Variants in CTNNA3 observed in about 807,000 individuals in gnomAD.
The protein encoded by CTNNA3 is catenin alpha-3.
A neutral mutation model predicts 95.7 loss-of-function variants in CTNNA3; 76 were observed. The observed-to-expected ratio is 0.79, with a 90% CI of 0.66 to 0.96. The LOEUF is 0.96. Among genes scored for constraint, CTNNA3 ranks in the 40% least tolerant of loss-of-function variants. CTNNA3 has a pLI of 0.00. For synonymous variants in CTNNA3, 431 were observed against 374.4 expected, an observed-to-expected ratio of 1.15 and a Z score of -1.74; for missense variants, 1,191 against 1,089.8, an observed-to-expected ratio of 1.09 and a Z score of -1.31.
chr10:66,994,458 C>T (rs2132948775), intron 7 of CTNNA3, among the ~76,000 whole-genome samples: 1 of 152,132 alleles, frequency 6.6e-6, no homozygotes, highest in Admixed American at 6.5e-5. Context: ...TATTTCATCC[C>T]TCAATTACCA....
At chr10:66,250,271 G>T (rs150129848) in intron 13 of CTNNA3, among the ~76,000 whole-genome samples, 1 of 152,180 alleles carries the variant, frequency 6.6e-6, no homozygotes, top group South Asian at 2.1e-4. Context: ...CAGAAGCTGG[G>T]AAGGGTAGTT....
intron 7 of CTNNA3, among the ~76,000 whole-genome samples, chr10:66,804,957 T>A (rs1435059751): frequency 1.3e-5 from 2 of 152,120 alleles, no homozygotes; most frequent in Non-Finnish European, 2.9e-5. Context: ...TAAATGTTTG[T>A]GCAAATAATA....
chr10:66,847,202 G>A (rs1049332787), intron 7 of CTNNA3, among the ~76,000 whole-genome samples: 4 of 152,066 alleles, frequency 2.6e-5, no homozygotes, highest in Non-Finnish European at 4.4e-5. Context: ...ATGAGTTTTT[G>A]TGTTTTCTTT....
intron 13 of CTNNA3, among the ~76,000 whole-genome samples, chr10:66,114,709 T>A (rs1043453653): frequency 2.0e-5 from 3 of 151,350 alleles, no homozygotes; most frequent in Admixed American, 6.6e-5. Flanking sequence ...TGAAACCCCG[T>A]CTCTACTAAA....
At chr10:66,824,648 T>C (rs1842430088) in intron 7 of CTNNA3, among the ~76,000 whole-genome samples, 1 of 152,190 alleles carries the variant, frequency 6.6e-6, no homozygotes, top group Non-Finnish European at 1.5e-5. Flanking sequence ...GGAACTTCCA[T>C]TTGTTTCTTC....
At chr10:66,130,864 C>CAAAA (rs1209953818) in intron 13 of CTNNA3, among the ~76,000 whole-genome samples, 4 of 83,266 alleles carry the variant, frequency 4.8e-5, no homozygotes, top group East Asian at 3.7e-4. Context: ...CAAAAACAAA[C>CAAAA]AAAAAAAAAA....
chr10:66,049,534 A>G (rs1040535320), intron 15 of CTNNA3, among the ~76,000 whole-genome samples: 26 of 152,234 alleles, frequency 1.7e-4, no homozygotes, highest in African/African-American at 6.3e-4. Flanking sequence ...CATGGCATGG[A>G]ATCAACCTAA....
intron 1 of CTNNA3, among the ~76,000 whole-genome samples, chr10:67,687,908 G>A (rs1013051574): frequency 3.9e-5 from 6 of 152,120 alleles, no homozygotes; most frequent in African/African-American, 4.8e-5. Flanking sequence ...GATCTGAGTC[G>A]AGGTCCCAGT....
At chr10:67,172,067 TGCTCTGTGCCTTTGC>T (rs1862047149) in intron 7 of CTNNA3, among the ~76,000 whole-genome samples, 1 of 152,226 alleles carries the variant, frequency 6.6e-6, no homozygotes, top group Non-Finnish European at 1.5e-5. Context: ...ATGTGATTCC[TGCTCTGTGCCTTTGC>T]ACAGGCTCTT....
intron 7 of CTNNA3, among the ~76,000 whole-genome samples, chr10:66,920,295 A>G (rs896338843): frequency 6.6e-6 from 1 of 152,238 alleles, no homozygotes; most frequent in African/African-American, 2.4e-5. Context: ...TATAAGTCCC[A>G]TTTTGCAGAT....
At chr10:66,072,777 G>T (rs963886875) in intron 14 of CTNNA3, among the ~76,000 whole-genome samples, 1 of 151,978 alleles carries the variant, frequency 6.6e-6, no homozygotes, top group Non-Finnish European at 1.5e-5. Flanking sequence ...ATCTCCCAAA[G>T]AATCTGTGCT....
At chr10:66,192,702 CTCTT>C (rs1235684333) in intron 13 of CTNNA3, among the ~76,000 whole-genome samples, 1 of 152,184 alleles carries the variant, frequency 6.6e-6, no homozygotes, top group Non-Finnish European at 1.5e-5. Context: ...AAGGATAACA[CTCTT>C]TCTTCTACTT....
intron 5 of CTNNA3, among the ~76,000 whole-genome samples, chr10:67,519,183 G>GT: frequency 6.6e-6 from 1 of 152,228 alleles, no homozygotes; most frequent in South Asian, 2.1e-4. Context: ...AAAAACAGAA[G>GT]TGAGAGAATG....
intron 7 of CTNNA3, among the ~76,000 whole-genome samples, chr10:66,903,050 C>G (rs989792481): frequency 1.3e-5 from 2 of 152,110 alleles, no homozygotes; most frequent in Non-Finnish European, 2.9e-5. Flanking sequence ...ATACTGATAC[C>G]AAAGCCTGGC....
At chr10:67,620,923 G>GTA (rs56300519) in intron 2 of CTNNA3, among the ~76,000 whole-genome samples, 2,471 of 123,706 alleles carry the variant, frequency 0.02, 29 homozygotes, top group Non-Finnish European at 0.022. Context: ...GTGTGTGTGT[G>GTA]TATATATATA....
chr10:66,787,883 C>G (rs1205421299), intron 7 of CTNNA3, among the ~76,000 whole-genome samples: 1 of 152,148 alleles, frequency 6.6e-6, no homozygotes, highest in African/African-American at 2.4e-5. Context: ...TGTTATTGAA[C>G]AGAGCCTGGA....
intron 1 of CTNNA3, among the ~76,000 whole-genome samples, chr10:67,703,805 G>A (rs151196836): frequency 6.6e-6 from 1 of 152,136 alleles, no homozygotes; most frequent in Admixed American, 6.5e-5. Flanking sequence ...GAAATAAAGG[G>A]TGTTCAATTA....
chr10:67,096,504 A>G (rs1858003272), intron 7 of CTNNA3, among the ~76,000 whole-genome samples: 1 of 151,958 alleles, frequency 6.6e-6, no homozygotes, highest in Non-Finnish European at 1.5e-5. Flanking sequence ...CAAGAATGGC[A>G]GAAGCTTTTA....
intron 5 of CTNNA3, among the ~76,000 whole-genome samples, chr10:67,442,919 A>G (rs1327965031): frequency 6.8e-6 from 1 of 146,512 alleles, no homozygotes; most frequent in East Asian, 2.2e-4. Flanking sequence ...AGCATTAGGT[A>G]TATCTCCTAA....
Sources: gnomAD v4.1 joint callset for allele counts (sites outside exome capture counted in the v4.1 genomes callset) on GRCh38, gnomAD v4.1.1 for gene constraint, MANE v1.5 for transcripts, NCBI Gene and HGNC (gene_info 2026-07-23, HGNC 2026-07-21) for gene names.